Variants in ZFHX3 observed in about 807,000 individuals in gnomAD.
ZFHX3 encodes the protein zinc finger homeobox protein 3.
Under a neutral mutation model 279.1 loss-of-function variants are expected in ZFHX3, and 42 were observed. The observed-to-expected ratio is 0.15, with a 90% CI of 0.12 to 0.19. The LOEUF is 0.19. ZFHX3 is among the 10% of genes least tolerant of loss of function. The probability of loss-of-function intolerance (pLI) is 1.00; values close to 1 mark genes in which losing one functional copy is unlikely to be tolerated. For missense variants in ZFHX3, 4,981 were observed against 4,754.0 expected, an observed-to-expected ratio of 1.05 and a Z score of -1.40; for synonymous variants, 2,293 against 1,957.8, an observed-to-expected ratio of 1.17 and a Z score of -4.52.
intron 2 of ZFHX3, among the ~76,000 whole-genome samples, chr16:72,953,639 C>T (rs1421713968): frequency 6.6e-6 from 1 of 152,106 alleles, no homozygotes; most frequent in Non-Finnish European, 1.5e-5. Context: ...TTCTGTTGCC[C>T]AGGCTGGAGT....
intron 3 of ZFHX3, among the ~76,000 whole-genome samples, chr16:72,930,561 CA>C: frequency 6.6e-6 from 1 of 152,118 alleles, no homozygotes; most frequent in South Asian, 2.1e-4. Flanking sequence ...GACATAATGG[CA>C]AGGATGCTTC....
chr16:73,556,294 C>T (rs372318298), intron 2 of ZFHX3, among the ~76,000 whole-genome samples: 3 of 151,660 alleles, frequency 2.0e-5, no homozygotes, highest in Admixed American at 6.6e-5. Context: ...AACAAGGATC[C>T]GAAGGAGAGA....
intron 2 of ZFHX3, among the ~76,000 whole-genome samples, chr16:73,465,530 C>G (rs968368410): frequency 6.8e-6 from 1 of 147,334 alleles, no homozygotes; most frequent in African/African-American, 2.7e-5. Context: ...CTCCGGTTCC[C>G]CATCACCTAC....
chr16:73,078,460 C>T (rs1965909700), intron 8 of ZFHX3, among the ~76,000 whole-genome samples: 1 of 152,094 alleles, frequency 6.6e-6, no homozygotes, highest in Non-Finnish European at 1.5e-5. Flanking sequence ...GCTCTGGAAG[C>T]AGAAAATCCA....
At position 72,957,575 on chromosome 16, in the gene ZFHX3, G is replaced by C; in HGVS notation, c.2571C>G (p.Ala857=). The part of the protein sequence containing the change: ...HLGLGSLPSP[A]EAELYQYYLA... ...GGTAGTATTGGTAGAGCTCGGCCTC[G>C]GCGGGTGAGGGCAGGCTGCCGAGGC... The change falls in exon 2 of 10, where the codon GCC becomes GCG. Residue 857 remains alanine (A), a synonymous_variant. Coordinates refer to ENST00000268489, the MANE Select transcript of ZFHX3 (RefSeq NM_006885.4). 2.5e-6 allele frequency: 4 copies of C among 1,614,024 alleles called. No homozygotes were observed. Among genetic ancestry groups the C allele is most frequent in the Middle Eastern group, 1.6e-4 (1 of 6,062 alleles).
chr16:72,943,692 C>T (rs959866428), intron 3 of ZFHX3, among the ~76,000 whole-genome samples: 6 of 152,120 alleles, frequency 3.9e-5, no homozygotes, highest in African/African-American at 9.7e-5. Flanking sequence ...GGAGTCTGGC[C>T]GTCACTTACT....
chr16:73,729,269 G>T (rs990443512), intron 1 of ZFHX3, among the ~76,000 whole-genome samples: 3 of 152,208 alleles, frequency 2.0e-5, no homozygotes, highest in Non-Finnish European at 4.4e-5. Flanking sequence ...GCTCACGCCT[G>T]TAATCCCAAC....
chr16:73,146,937 C>T (rs915629044), intron 5 of ZFHX3, among the ~76,000 whole-genome samples: 3 of 152,200 alleles, frequency 2.0e-5, no homozygotes, highest in East Asian at 1.9e-4. Context: ...GAATTACAGA[C>T]GTGAGCCACC....
At chr16:72,946,393 A>G (rs1247988165) in intron 3 of ZFHX3, among the ~76,000 whole-genome samples, 1 of 152,218 alleles carries the variant, frequency 6.6e-6, no homozygotes, top group Non-Finnish European at 1.5e-5. Context: ...GGTCCAATCA[A>G]AGGAACCCCA....
chr16:72,896,980 C>T (rs534455336), intron 3 of ZFHX3, among the ~76,000 whole-genome samples: 4 of 152,374 alleles, frequency 2.6e-5, no homozygotes, highest in African/African-American at 9.6e-5. Context: ...CACACAGGCA[C>T]ACACGGCAAC....
At chr16:73,145,208 G>T (rs1212371592) in intron 5 of ZFHX3, among the ~76,000 whole-genome samples, 1 of 152,132 alleles carries the variant, frequency 6.6e-6, no homozygotes, top group Non-Finnish European at 1.5e-5. Flanking sequence ...GGGGGAGCAG[G>T]GGTGACCAGA....
intron 1 of ZFHX3, among the ~76,000 whole-genome samples, chr16:73,859,898 C>T (rs1311763450): frequency 6.6e-6 from 1 of 152,192 alleles, no homozygotes; most frequent in Non-Finnish European, 1.5e-5. Flanking sequence ...GAAGTAAAAG[C>T]ATCCCACTGT....
chr16:73,799,618 T>C (rs756233314), intron 1 of ZFHX3, among the ~76,000 whole-genome samples: 1 of 152,110 alleles, frequency 6.6e-6, no homozygotes, highest in Non-Finnish European at 1.5e-5. Context: ...GAAAAAAGCC[T>C]TCCCCTGCTT....
intron 3 of ZFHX3, among the ~76,000 whole-genome samples, chr16:73,337,393 A>G (rs183306357): frequency 5.7e-4 from 86 of 152,202 alleles, no homozygotes; most frequent in Admixed American, 1.3e-3. Flanking sequence ...GAGCTTTGTT[A>G]CTTCCACATC....
chr16:73,723,347 C>T (rs555966848), intron 1 of ZFHX3, among the ~76,000 whole-genome samples: 28 of 152,134 alleles, frequency 1.8e-4, no homozygotes, highest in Non-Finnish European at 3.5e-4. Flanking sequence ...GATATTGATT[C>T]CAGTGCTGTT....
At chr16:72,911,965 C>T (rs548962976) in intron 3 of ZFHX3, among the ~76,000 whole-genome samples, 15 of 152,118 alleles carry the variant, frequency 9.9e-5, no homozygotes, top group Non-Finnish European at 1.9e-4. Flanking sequence ...ATTTCAAGCC[C>T]GGTAATGTAG....
At chr16:73,735,286 A>C (rs1178410656) in intron 1 of ZFHX3, among the ~76,000 whole-genome samples, 1 of 151,620 alleles carries the variant, frequency 6.6e-6, no homozygotes, top group Non-Finnish European at 1.5e-5. Flanking sequence ...TGAGTCAACT[A>C]TAAGGTTTGA....
At chr16:73,176,941 C>T (rs1194466283) in intron 5 of ZFHX3, among the ~76,000 whole-genome samples, 1 of 152,088 alleles carries the variant, frequency 6.6e-6, no homozygotes, top group East Asian at 1.9e-4. Context: ...CCTAGATTTG[C>T]AGCATCAGCA....
chr16:72,908,887 G>A (rs867522890), intron 3 of ZFHX3, among the ~76,000 whole-genome samples: 10 of 152,290 alleles, frequency 6.6e-5, no homozygotes, highest in Middle Eastern at 3.4e-3. Flanking sequence ...ACTGTTTCAG[G>A]TTGAGAAAGC....
Sources: gnomAD v4.1 joint callset for allele counts (sites outside exome capture counted in the v4.1 genomes callset) on GRCh38, gnomAD v4.1.1 for gene constraint, MANE v1.5 for transcripts, NCBI Gene and HGNC (gene_info 2026-07-23, HGNC 2026-07-21) for gene names.